The following ACSL6 variants were observed in gnomAD, a reference collection of about 807,000 sequenced individuals.
The protein encoded by ACSL6 is long-chain-fatty-acid--CoA ligase 6.
Under a neutral mutation model 98.2 loss-of-function variants are expected in ACSL6, and 47 were observed. The ratio of observed to expected loss-of-function variants is 0.48; its 90% CI spans 0.38 to 0.61. The LOEUF is 0.61. Among genes scored for constraint, ACSL6 ranks in the 20% least tolerant of loss-of-function variants. The pLI is 0.00. For synonymous variants in ACSL6, 362 were observed against 336.9 expected (o/e 1.07, Z -0.82); for missense variants, 761 against 913.4 (o/e 0.83, Z 2.15).
intron 2 of ACSL6, among the ~76,000 whole-genome samples, chr5:131,992,540 C>T (rs1407425520): frequency 6.6e-6 from 1 of 152,158 alleles, no homozygotes; most frequent in Non-Finnish European, 1.5e-5. Flanking sequence ...AGCTTCATCC[C>T]ATGTCCTGTC....
chr5:131,964,255 G>C (rs1183275939), intron 17 of ACSL6, among the ~76,000 whole-genome samples: 1 of 152,224 alleles, frequency 6.6e-6, no homozygotes, highest in East Asian at 1.9e-4. Flanking sequence ...AAATGGAAAG[G>C]TCAAACACAA....
rs1234777066 is a variant in ACSL6, at chr5:131,953,136, C to A, written c.*1098G>T. On this transcript the variant is annotated 3_prime_UTR_variant, in exon 21 of 21. Coordinates refer to ENST00000651883, the MANE Select transcript of ACSL6 (RefSeq NM_001009185.3). ...CTCAAGGATCCATTCATTGTAGAGT[C>A]AACAGATGTCTTTTAGAATTCATTA... is the stretch of plus-strand genomic sequence containing the variant. 2 of 196,638 alleles carry A rather than the reference C, an allele frequency of 1.0e-5. No individual in the cohort carries two copies. The highest frequency in any genetic ancestry group is 2.1e-5 in the Non-Finnish European group (2 of 95,166). The allele number at this position is 196,638 out of a possible 1,614,324, so 12.2% of individuals were successfully genotyped here.
intron 9 of ACSL6, chr5:131,983,889 A>G (rs1754029481): frequency 6.6e-6 from 1 of 152,286 alleles, no homozygotes; most frequent in Admixed American, 6.5e-5. Flanking sequence ...ACATTTCTGC[A>G]TCATGAAGTT....
At chr5:132,005,881 A>C (rs1279506251) in intron 1 of ACSL6, among the ~76,000 whole-genome samples, 3 of 152,174 alleles carry the variant, frequency 2.0e-5, no homozygotes, top group Non-Finnish European at 4.4e-5. Context: ...CTGCCCAGTC[A>C]ACCTGGGCCT....
Position 131,986,709 on chromosome 5 carries a change from C to G in ACSL6, c.864+113G>C, listed in dbSNP as rs368313899. ...AAGTGGGCATTTCCTGGCTTGCACA[C>G]AGGAGTTGCTTATTAACACAGAGGT... is the stretch of plus-strand genomic sequence containing the variant. On this transcript the variant is annotated intron_variant, in intron 8 of 20. Coordinates refer to ENST00000651883, the MANE Select transcript of ACSL6 (RefSeq NM_001009185.3). 1.9e-5 allele frequency: 26 copies of G among 1,340,366 alleles called. No individual in the cohort carries two copies. In the East Asian group the frequency reaches 5.8e-4, roughly 30 times the overall value. The allele number at this position is 1,340,366 out of a possible 1,614,324, so 83.0% of individuals were successfully genotyped here. A position where few individuals can be genotyped will look rare whatever the true frequency, so the allele number is the denominator to read the frequency against.
chr5:131,969,720 T>C (rs538990399), intron 15 of ACSL6, among the ~76,000 whole-genome samples: 130 of 152,290 alleles, frequency 8.5e-4, no homozygotes, highest in African/African-American at 3.1e-3. Flanking sequence ...TAAAGGGCCA[T>C]TTTAGAGGCC....
In ACSL6 at chr5:131,973,352, T is replaced by G; in HGVS notation, c.1117A>C (p.Ile373Leu). 6.2e-7 allele frequency: 1 copy of G among 1,614,200 alleles called. No homozygotes were observed. The highest frequency in any genetic ancestry group is 2.2e-5 in the East Asian group (1 of 44,876). The change falls in exon 12 of 21, where the codon ATC (isoleucine) becomes CTC (leucine). Residue 373 changes from isoleucine (I) to leucine (L), a missense_variant. Coordinates refer to ENST00000651883, the MANE Select transcript of ACSL6 (RefSeq NM_001009185.3). ...GGRVGFFQGDIRLLSDDMKAL... is the reference protein window; with the variant it reads ...GGRVGFFQGDLRLLSDDMKAL... ...TTCATGTCATCTGAGAGAAGGCGGATATCTCCCTGGAAGAAGCCAACACGC... is the reference window on the plus strand; with the variant it reads ...TTCATGTCATCTGAGAGAAGGCGGAGATCTCCCTGGAAGAAGCCAACACGC...
intron 20 of ACSL6, among the ~76,000 whole-genome samples, chr5:131,954,773 C>T (rs1752312106): frequency 6.6e-6 from 1 of 152,112 alleles, no homozygotes; most frequent in Admixed American, 6.5e-5. Context: ...GAGAGACAGT[C>T]AGGGAAGACT....
chr5:131,998,142 C>G (rs191094026), intron 1 of ACSL6, among the ~76,000 whole-genome samples: 12 of 152,288 alleles, frequency 7.9e-5, no homozygotes, highest in Non-Finnish European at 1.0e-4. Flanking sequence ...CTTCCATACC[C>G]CAAGAGACTC....
intron 19 of ACSL6, among the ~76,000 whole-genome samples, chr5:131,960,055 G>A (rs1486427325): frequency 6.6e-6 from 1 of 152,224 alleles, no homozygotes; most frequent in East Asian, 1.9e-4. Context: ...GGTGTGAGTA[G>A]CTAATGCTCT....
At chr5:131,963,170 C>T (rs1029941233) in intron 17 of ACSL6, among the ~76,000 whole-genome samples, 10 of 152,202 alleles carry the variant, frequency 6.6e-5, no homozygotes, top group African/African-American at 2.4e-4. Context: ...ATAGCACAGA[C>T]CTGACAGAGC....
At position 132,011,367 on chromosome 5, in the gene ACSL6, TG is replaced by T; in HGVS notation, c.49+137del. 3 of 956,108 alleles carry T rather than the reference TG, an allele frequency of 3.1e-6. No individual in the cohort carries two copies. The highest frequency in any genetic ancestry group is 1.4e-5 in the South Asian group (1 of 71,602). 59.2% of individuals were successfully genotyped at this position (956,108 alleles called of 1,614,324 possible). A position where few individuals can be genotyped will look rare whatever the true frequency, so the allele number is the denominator to read the frequency against. ...GGCGGAGGGTGTACTTAGGCGGCCCTGGGGACCTTGACGGGACAGCTCAGCA... is the reference window on the plus strand; with the variant it reads ...GGCGGAGGGTGTACTTAGGCGGCCCTGGGACCTTGACGGGACAGCTCAGCA... On this transcript the variant is annotated intron_variant, in intron 1 of 20. Transcript: ENST00000651883. This position sits in a 1 kb window ranked among gnomAD's most constrained non-coding sequence, Gnocchi z 5.4.
rs1752763371 is a variant in ACSL6 at position 131,962,504 on chromosome 5, A to G, written c.1857+31T>C. 12 of 1,589,642 alleles carry G rather than the reference A, an allele frequency of 7.5e-6. No homozygotes were observed. In the East Asian group the frequency reaches 2.5e-4, roughly 33 times the overall value. On this transcript the variant is annotated intron_variant, in intron 18 of 20. Transcript: ENST00000651883. The stretch of plus-strand genomic sequence containing the variant: ...CTGGGTTTTTCAGCATGCCCAGGAT[A>G]TGTGGGAGGGCTGAAGCCTAGAGGC...
At position 131,960,505 on chromosome 5, in the gene ACSL6, C is replaced by A. The variant is rs1352411436; in HGVS notation, c.1959+15G>T. On this transcript the variant is annotated intron_variant, in intron 19 of 20. Coordinates refer to ENST00000651883, the MANE Select transcript of ACSL6 (RefSeq NM_001009185.3). ...CATTCAGTAACCTTTCAGGAGACAG[C>A]CCCAAGATACCAACCTTATTTGTGC... 10 of 1,606,656 alleles carry A rather than the reference C, an allele frequency of 6.2e-6. No homozygotes were observed. Among genetic ancestry groups the A allele is most frequent in the South Asian group, 1.1e-5 (1 of 89,602 alleles).
At chr5:132,011,851 G>A (rs893005768), upstream of ACSL6, 5 of 1,508,034 alleles carry the variant, frequency 3.3e-6, no homozygotes, top group East Asian at 5.3e-5. The surrounding 1 kb of genome is among the most constrained non-coding windows in gnomAD (Gnocchi z 5.4). Flanking sequence ...GCTCCCGGGC[G>A]GGGGAGGGGC....
chr5:131,994,501 C>T (rs1754693381), intron 1 of ACSL6: 1 of 507,316 alleles, frequency 2.0e-6, no homozygotes, highest in African/African-American at 1.9e-5. Flanking sequence ...TACGCTCAGG[C>T]CCTGGGCCAT....
chr5:131,988,557 C>CTG (rs3043838), intron 6 of ACSL6: 1,215,840 of 1,612,118 alleles, frequency 0.75, 474,373 homozygotes, highest in Non-Finnish European at 0.81. Flanking sequence ...GGGCTGTACC[C>CTG]TGTGTGGAGG....
At position 131,994,159 on chromosome 5, in the gene ACSL6, G is replaced by A. The variant is rs536503769; in HGVS notation, c.142C>T (p.Arg48Cys). The A allele has an allele frequency of 3.2e-5, 52 of 1,614,166 alleles. No individual in the cohort carries two copies. The East Asian group carries it at 6.9e-4, about 21-fold the overall frequency. Residue 48 changes from arginine to cysteine, a missense_variant, in exon 2 of 21, where the codon CGC (arginine) becomes TGC (cysteine). Coordinates refer to ENST00000651883, the MANE Select transcript of ACSL6 (RefSeq NM_001009185.3). Reference sequence around the variant, plus strand: ...ACGAGGGTGGTGGCCGAGAGGCTGCGGAAAAACTGTCCCAAGTCACCTAGC... The same window carrying A: ...ACGAGGGTGGTGGCCGAGAGGCTGCAGAAAAACTGTCCCAAGTCACCTAGC... The part of the protein sequence containing the change: ...PELGDLGQFF[R>C]SLSATTLVSM...
chr5:131,966,265 G>C (rs993357987), intron 17 of ACSL6, 151 bp downstream of exon 17: 1 of 704,500 alleles, frequency 1.4e-6, no homozygotes, highest in African/African-American at 1.8e-5. Context: ...CTGGGGCTCA[G>C]GGAAGGAAGA....
Sources: gnomAD v4.1 joint callset for allele counts (sites outside exome capture counted in the v4.1 genomes callset) on GRCh38, gnomAD v4.1.1 for gene constraint, Gnocchi (gnomAD v3.1) non-coding constraint, MANE v1.5 for transcripts, NCBI Gene and HGNC (gene_info 2026-07-23, HGNC 2026-07-21) for gene names.